The following SYNE1 variants were observed in gnomAD, a reference collection of about 807,000 sequenced individuals.
SYNE1 encodes nesprin-1.
A neutral mutation model predicts 1,111.0 loss-of-function variants in SYNE1; 616 were observed. That is an observed-to-expected ratio of 0.55 (90% CI 0.52 to 0.59). The LOEUF (loss-of-function observed/expected upper bound fraction) is 0.59. Ranked by LOEUF, SYNE1 falls within the 20% of genes least tolerant of loss-of-function variation. The pLI is 0.00. For synonymous variants in SYNE1, 3,855 were observed against 3,825.8 expected, an observed-to-expected ratio of 1.01 and a Z score of -0.28; for missense variants, 10,006 against 10,417.0, an observed-to-expected ratio of 0.96 and a Z score of 1.72.
intron 122 of SYNE1, among the ~76,000 whole-genome samples, chr6:152,214,234 T>C (rs1198078394): frequency 6.6e-6 from 1 of 151,372 alleles, no homozygotes; most frequent in South Asian, 2.1e-4. Context: ...TGAAAAAATG[T>C]AGAAGTTTAA....
At chr6:152,495,023 T>C (rs756909596) in intron 11 of SYNE1, among the ~76,000 whole-genome samples, 4 of 152,208 alleles carry the variant, frequency 2.6e-5, no homozygotes, top group Non-Finnish European at 5.9e-5. Flanking sequence ...CCTTCCAGCC[T>C]TACAGCTCAT....
rs1263433451 is a variant in SYNE1 at position 152,214,737 on chromosome 6, A to T, written c.22346+169T>A. On this transcript the variant is annotated intron_variant, in intron 122 of 145. Coordinates refer to ENST00000367255, the MANE Select transcript of SYNE1 (RefSeq NM_182961.4). ...GAAAGCAGAGAGCAGCCCTCACCAG[A>T]CAACTGAATCTGCTAGCACCTTGAC... Among the ~76,000 whole-genome samples, 4 of 152,234 alleles carry T rather than the reference A, an allele frequency of 2.6e-5. No homozygotes were observed. In the East Asian group the frequency reaches 7.7e-4, roughly 29 times the overall value.
intron 24 of SYNE1, among the ~76,000 whole-genome samples, chr6:152,454,687 A>G (rs2098681997): frequency 6.6e-6 from 1 of 152,242 alleles, no homozygotes; most frequent in East Asian, 1.9e-4. Context: ...CGGTGATTCA[A>G]AACAAGAAGT....
At chr6:152,462,401 A>G (rs2098739462) in intron 20 of SYNE1, 1 of 399,804 alleles carries the variant, frequency 2.5e-6, no homozygotes, top group Non-Finnish European at 4.4e-6. Context: ...ATATGCAAAT[A>G]CCACAGTTCA....
rs763566452 is a variant in SYNE1, at chr6:152,268,213, T to C, written c.18706-48A>G. 1.1e-5 allele frequency: 16 copies of C among 1,434,370 alleles called. No individual in the cohort carries two copies. The Admixed American group carries it at 1.2e-4, about 11-fold the overall frequency. The allele number at this position is 1,434,370 out of a possible 1,614,324, so 88.9% of individuals were successfully genotyped here. ...GCAAACACATTTGCTACTTTATGAT[T>C]ATTGCCTACAATCATAGTTCTAGCT... is the stretch of plus-strand genomic sequence containing the variant. On this transcript the variant is annotated intron_variant, in intron 99 of 145. Transcript: ENST00000367255.
chr6:152,167,749 C>T (rs2063986241), intron 130 of SYNE1: 1 of 544,406 alleles, frequency 1.8e-6, no homozygotes, highest in African/African-American at 1.9e-5. Context: ...ATCAGAAGCC[C>T]ATCCTTTAAA....
intron 98 of SYNE1, among the ~76,000 whole-genome samples, chr6:152,273,864 T>C (rs1412719410): frequency 6.6e-6 from 1 of 152,174 alleles, no homozygotes; most frequent in Non-Finnish European, 1.5e-5. Flanking sequence ...ACCTTGGAAT[T>C]TGTGGTTCCT....
chr6:152,531,705 G>T (rs1033369108), intron 4 of SYNE1, among the ~76,000 whole-genome samples: 5 of 152,106 alleles, frequency 3.3e-5, no homozygotes, highest in African/African-American at 1.2e-4. Context: ...TCTTTTGAAT[G>T]ATTTTGACTA....
intron 59 of SYNE1, 49 bp downstream of exon 59, chr6:152,372,988 A>C: frequency 1.3e-6 from 2 of 1,596,586 alleles, no homozygotes; most frequent in Non-Finnish European, 1.7e-6. Flanking sequence ...TAACAACAAC[A>C]ACAATAACAA....
intron 128 of SYNE1, among the ~76,000 whole-genome samples, chr6:152,181,361 G>A (rs574010039): frequency 2.0e-5 from 3 of 152,094 alleles, no homozygotes; most frequent in Non-Finnish European, 2.9e-5. Context: ...GCAGTGAGCC[G>A]AGATTGTGTC....
intron 6 of SYNE1, among the ~76,000 whole-genome samples, chr6:152,512,869 T>A (rs546936336): frequency 3.3e-5 from 5 of 152,208 alleles, no homozygotes; most frequent in Non-Finnish European, 7.4e-5. Flanking sequence ...GGATGGGCAA[T>A]AGAGACACAT....
chr6:152,228,269 A>G (rs1164617904), intron 115 of SYNE1, among the ~76,000 whole-genome samples: 1 of 152,184 alleles, frequency 6.6e-6, no homozygotes, highest in Non-Finnish European at 1.5e-5. Flanking sequence ...TTTTGTTTCA[A>G]AGATATGACT....
chr6:152,495,028 G>T (rs1313641071), intron 11 of SYNE1, among the ~76,000 whole-genome samples: 1 of 152,106 alleles, frequency 6.6e-6, no homozygotes, highest in Admixed American at 6.5e-5. Context: ...CAGCCTTACA[G>T]CTCATTCCAT....
chr6:152,314,471 G>A (rs572600977), intron 87 of SYNE1, among the ~76,000 whole-genome samples: 6 of 152,214 alleles, frequency 3.9e-5, no homozygotes, highest in African/African-American at 1.4e-4. Flanking sequence ...CCCCTGGTGG[G>A]CGGTTGGGTT....
intron 42 of SYNE1, among the ~76,000 whole-genome samples, chr6:152,412,135 G>A (rs556846813): frequency 6.6e-6 from 1 of 152,168 alleles, no homozygotes; most frequent in African/African-American, 2.4e-5. Context: ...AAAAATGAAT[G>A]AACTGGATGG....
intron 2 of SYNE1, among the ~76,000 whole-genome samples, chr6:152,630,824 A>G (rs574006203): frequency 7.2e-5 from 11 of 152,356 alleles, no homozygotes; most frequent in African/African-American, 2.4e-4. Flanking sequence ...TCATTGCAAC[A>G]GAAATCACTC....
At chr6:152,317,052 C>T in intron 86 of SYNE1, 66 bp from the exon 87 acceptor site, 5 of 1,585,174 alleles carry the variant, frequency 3.2e-6, no homozygotes, top group Non-Finnish European at 4.3e-6. Context: ...ATAAATCAGT[C>T]TTCTCTCTCT....
chr6:152,532,822 C>T (rs866515341), intron 4 of SYNE1, among the ~76,000 whole-genome samples: 1 of 152,046 alleles, frequency 6.6e-6, no homozygotes, highest in Non-Finnish European at 1.5e-5. Flanking sequence ...ATTCCCATCC[C>T]AGGACCAGTC....
intron 93 of SYNE1, among the ~76,000 whole-genome samples, chr6:152,296,983 C>T (rs2094913448): frequency 6.6e-6 from 1 of 152,184 alleles, no homozygotes; most frequent in South Asian, 2.1e-4. Context: ...TGAATTTGCA[C>T]ACTTCTATTC....
Sources: allele counts gnomAD v4.1 joint callset (sites outside exome capture counted in the v4.1 genomes callset), GRCh38; gene constraint gnomAD v4.1.1; transcripts MANE v1.5; gene names NCBI Gene and HGNC (gene_info 2026-07-23, HGNC 2026-07-21).